SH3KBP1: variants seen among roughly 807,000 people sequenced by gnomAD.
SH3KBP1 encodes SH3 domain containing kinase binding protein 1.
In SH3KBP1, 8 loss-of-function variants were observed where a neutral mutation model predicts 50.1. The ratio of observed to expected loss-of-function variants is 0.16; its 90% CI spans 0.09 to 0.29. The LOEUF (loss-of-function observed/expected upper bound fraction) is 0.29, where lower values mean the gene tolerates loss of function less well. Ranked by LOEUF, SH3KBP1 falls within the 10% of genes least tolerant of loss-of-function variation. The pLI, the probability that SH3KBP1 is intolerant of heterozygous loss-of-function variation, is 1.00. For missense variants in SH3KBP1, 377 were observed against 535.2 expected, an observed-to-expected ratio of 0.70 and a Z score of 2.92; for synonymous variants, 227 against 218.6, an observed-to-expected ratio of 1.04 and a Z score of -0.34.
intron 2 of SH3KBP1, among the ~76,000 whole-genome samples, chrX:19,787,299 G>A (rs183254574): frequency 1.1e-4 from 12 of 111,729 alleles, no homozygotes; most frequent in Non-Finnish European, 9.4e-5. Flanking sequence ...ATTCTATTTC[G>A]GTATTCTGCA....
intron 1 of SH3KBP1, among the ~76,000 whole-genome samples, chrX:19,836,743 G>A (rs1050375638): frequency 8.9e-6 from 1 of 111,777 alleles, no homozygotes; most frequent in Non-Finnish European, 1.9e-5. Flanking sequence ...ATATGGTTTG[G>A]CTGTGTCCCC....
chrX:19,645,741 A>G (rs767277561), intron 6 of SH3KBP1, among the ~76,000 whole-genome samples: 1 of 112,031 alleles, frequency 8.9e-6, no homozygotes, highest in East Asian at 2.8e-4. Context: ...TACTCTTATA[A>G]AAGGTTGACT....
At chrX:19,822,071 A>G (rs951311017) in intron 2 of SH3KBP1, among the ~76,000 whole-genome samples, 7 of 112,306 alleles carry the variant, frequency 6.2e-5, no homozygotes, top group South Asian at 3.7e-4. Context: ...CCTTGTAAGT[A>G]TATGTCATGT....
chrX:19,597,468 C>T (rs2066940382), intron 9 of SH3KBP1, among the ~76,000 whole-genome samples: 1 of 111,832 alleles, frequency 8.9e-6, no homozygotes. Flanking sequence ...GTCGCCCAGG[C>T]TGGAGTGCAA....
chrX:19,717,898 T>G (rs962613077), intron 3 of SH3KBP1, among the ~76,000 whole-genome samples: 1 of 111,275 alleles, frequency 9.0e-6, no homozygotes, highest in African/African-American at 3.3e-5. Flanking sequence ...AGAAAACATT[T>G]GGTTTAAGTA....
intron 9 of SH3KBP1, among the ~76,000 whole-genome samples, chrX:19,601,254 T>C (rs956703163): frequency 9.0e-6 from 1 of 111,304 alleles, no homozygotes; most frequent in Admixed American, 9.5e-5. Context: ...AGGAAATAGA[T>C]ATAAACGTTC....
At chrX:19,543,043 G>C (rs1227273868) in intron 15 of SH3KBP1, among the ~76,000 whole-genome samples, 1 of 112,083 alleles carries the variant, frequency 8.9e-6, no homozygotes, top group Admixed American at 9.4e-5. Flanking sequence ...CCAGGCAGTG[G>C]CTAGGAGGAT....
intron 3 of SH3KBP1, among the ~76,000 whole-genome samples, chrX:19,740,456 T>TTTCCCCTGGGAAAGACC: frequency 8.9e-6 from 1 of 112,303 alleles, no homozygotes; most frequent in East Asian, 2.8e-4. Context: ...GCTCAGGTGA[T>TTTCCCCTGGGAAAGACC]AGCCAAGAGC....
At chrX:19,866,836 G>A (rs1309864465) in intron 1 of SH3KBP1, among the ~76,000 whole-genome samples, 4 of 111,186 alleles carry the variant, frequency 3.6e-5, no homozygotes, top group African/African-American at 9.8e-5. Context: ...TGGCGTCACT[G>A]ATGATTTTAC....
intron 6 of SH3KBP1, among the ~76,000 whole-genome samples, chrX:19,668,935 A>AATATATATATATATAT (rs56844238): frequency 1.4e-3 from 45 of 32,856 alleles, no homozygotes; most frequent in Non-Finnish European, 2.2e-3. Context: ...GATTGAGGGT[A>AATATATATATATATAT]ATATATATAT....
chrX:19,855,054 C>T (rs1049307461), intron 1 of SH3KBP1, among the ~76,000 whole-genome samples: 2 of 111,405 alleles, frequency 1.8e-5, no homozygotes, highest in Non-Finnish European at 3.8e-5. Flanking sequence ...CGGCTCACTG[C>T]AACCTCTGCC....
chrX:19,734,456 TAAAAG>T (rs2064475693), intron 3 of SH3KBP1, among the ~76,000 whole-genome samples: 1 of 111,873 alleles, frequency 8.9e-6, no homozygotes, highest in Non-Finnish European at 1.9e-5. Context: ...GTAGGGGACA[TAAAAG>T]AGAAAGAGGC....
intron 2 of SH3KBP1, among the ~76,000 whole-genome samples, chrX:19,765,827 T>G (rs1036679536): frequency 8.9e-6 from 1 of 112,195 alleles, no homozygotes. Flanking sequence ...CTTTTGTGAC[T>G]GGCTTCTGTC....
chrX:19,538,776 G>A (rs928872359), intron 16 of SH3KBP1, among the ~76,000 whole-genome samples: 1 of 109,698 alleles, frequency 9.1e-6, no homozygotes, highest in East Asian at 2.9e-4. Flanking sequence ...TAGTAGAGAC[G>A]GGGTTTCACC....
rs2062941278 is a variant in SH3KBP1, at chrX:19,676,896, C to T, written c.726+6927G>A. 4.5e-5 allele frequency among the ~76,000 whole-genome samples: 5 copies of T among 111,933 alleles called. No individual in the cohort carries two copies. The Admixed American group carries it at 4.7e-4, about 11-fold the overall frequency. On this transcript the variant is annotated intron_variant, in intron 6 of 17. Coordinates refer to ENST00000397821, the MANE Select transcript of SH3KBP1 (RefSeq NM_031892.3). Reference sequence around the variant, plus strand: ...CACAACGCCTTGTAGAAAGTGTAGACAGAATTCAAGAGAGAGATGTCAGAA... The same window carrying T: ...CACAACGCCTTGTAGAAAGTGTAGATAGAATTCAAGAGAGAGATGTCAGAA...
Position 19,535,083 on chromosome X carries a change from C to G in SH3KBP1, c.*1334G>C, listed in dbSNP as rs995289674. 1 of 297,185 alleles carries G rather than the reference C, an allele frequency of 3.4e-6. No homozygotes were observed. The highest frequency in any genetic ancestry group is 5.9e-6 in the Non-Finnish European group (1 of 170,135). The allele number at this position is 297,185 out of a possible 1,213,427, so 24.5% of individuals were successfully genotyped here. A position where few individuals can be genotyped will look rare whatever the true frequency, so the allele number is the denominator to read the frequency against. On this transcript the variant is annotated 3_prime_UTR_variant, in exon 18 of 18. Transcript: ENST00000397821. The stretch of plus-strand genomic sequence containing the variant: ...TAAGGGACCACCCCCTCCACCCCTA[C>G]CCCTGAACAGTCTCGCAATACAGTA...
intron 13 of SH3KBP1, among the ~76,000 whole-genome samples, chrX:19,554,072 A>ATAATATATAT (rs2065362965): frequency 1.6e-5 from 1 of 61,343 alleles, no homozygotes; most frequent in African/African-American, 8.7e-5. Context: ...ATATTAAAAT[A>ATAATATATAT]CATTATATAT....
intron 8 of SH3KBP1, among the ~76,000 whole-genome samples, chrX:19,627,079 C>T (rs1053369237): frequency 6.2e-5 from 7 of 112,106 alleles, no homozygotes; most frequent in African/African-American, 2.3e-4. Flanking sequence ...GTCAAAGACA[C>T]AACTACCCAA....
At chrX:19,879,159 C>T (rs768006120) in intron 1 of SH3KBP1, among the ~76,000 whole-genome samples, 1 of 112,296 alleles carries the variant, frequency 8.9e-6, no homozygotes, top group Non-Finnish European at 1.9e-5. Flanking sequence ...GTGGGAGGAT[C>T]GCTTGAGCCT....
Sources: gnomAD v4.1 joint callset for allele counts (sites outside exome capture counted in the v4.1 genomes callset) on GRCh38, gnomAD v4.1.1 for gene constraint, MANE v1.5 for transcripts, NCBI Gene and HGNC (gene_info 2026-07-23, HGNC 2026-07-21) for gene names.